Variants in ESR1 observed in about 807,000 individuals in gnomAD.
ESR1 encodes estrogen receptor 1, also known as estrogen receptor.
ESR1 carries 12 observed loss-of-function variants against 52.7 expected under a neutral mutation model. That is an observed-to-expected ratio of 0.23 (90% CI 0.15 to 0.37). ESR1 has a LOEUF of 0.37. Ranked by LOEUF, ESR1 falls within the 10% of genes least tolerant of loss-of-function variation. ESR1 has a pLI of 1.00. For missense variants in ESR1, 584 were observed against 779.7 expected (o/e 0.75, Z 2.99); for synonymous variants, 305 against 316.8 (o/e 0.96, Z 0.39).
chr6:151,728,385 A>C (rs763724475), intron 2 of ESR1, among the ~76,000 whole-genome samples: 7 of 152,252 alleles, frequency 4.6e-5, no homozygotes, highest in Non-Finnish European at 1.0e-4. Context: ...TCAACTGAAC[A>C]TTGAAAAATG....
chr6:151,803,534 G>C (rs1777469670), upstream of ESR1, among the ~76,000 whole-genome samples: 1 of 152,116 alleles, frequency 6.6e-6, no homozygotes, highest in South Asian at 2.1e-4. Context: ...CTGAACTCAT[G>C]GGGGAAGCTA....
chr6:151,671,849 A>G (rs9479093), intron 1 of ESR1, among the ~76,000 whole-genome samples: 14,791 of 152,010 alleles, frequency 0.097, 1,236 homozygotes, highest in East Asian at 0.36. Flanking sequence ...AAAATTGGCC[A>G]GGCATGGTGG....
At chr6:151,973,882 C>G (rs533264431) in intron 4 of ESR1, among the ~76,000 whole-genome samples, 5 of 152,258 alleles carry the variant, frequency 3.3e-5, no homozygotes, top group Middle Eastern at 6.8e-3. Flanking sequence ...CTTGTTACTT[C>G]ATGTCAGGTA....
chr6:151,890,406 C>G (rs1583985376), intron 3 of ESR1, among the ~76,000 whole-genome samples: 1 of 152,092 alleles, frequency 6.6e-6, no homozygotes, highest in East Asian at 1.9e-4. Context: ...ACTGTTTTAT[C>G]TAACATTCAG....
chr6:152,032,186 A>G (rs2044777276), intron 5 of ESR1, among the ~76,000 whole-genome samples: 1 of 152,228 alleles, frequency 6.6e-6, no homozygotes, highest in South Asian at 2.1e-4. Context: ...CCAATATCAT[A>G]CTGAATGGAC....
chr6:151,711,890 G>C (rs902200947), intron 2 of ESR1, among the ~76,000 whole-genome samples: 1 of 152,170 alleles, frequency 6.6e-6, no homozygotes, highest in Non-Finnish European at 1.5e-5. Flanking sequence ...TGTTGCCATT[G>C]CTTTTGGTGT....
intron 2 of ESR1, among the ~76,000 whole-genome samples, chr6:151,741,550 A>G (rs1439558848): frequency 6.6e-6 from 1 of 152,174 alleles, no homozygotes; most frequent in African/African-American, 2.4e-5. Flanking sequence ...TTGGGTTATC[A>G]ATATGCTCCC....
At chr6:151,948,924 C>A (rs1226459774) in intron 4 of ESR1, among the ~76,000 whole-genome samples, 1 of 152,160 alleles carries the variant, frequency 6.6e-6, no homozygotes, top group Non-Finnish European at 1.5e-5. Flanking sequence ...CAGATTTGAG[C>A]TCAGGAAGTG....
chr6:151,899,070 TGGGGGGC>T lies in ESR1; in HGVS notation c.760+18300_760+18306del, dbSNP rs1562526167. Among the ~76,000 whole-genome samples, 178 of 76,610 alleles carry T rather than the reference TGGGGGGC, an allele frequency of 2.3e-3. 2 individuals are homozygous for T. The highest frequency in any genetic ancestry group is 7.9e-3 in the African/African-American group (159 of 20,246). The allele number at this position is 76,610 out of a possible 152,430, so 50.3% of individuals were successfully genotyped here. A position where few individuals can be genotyped will look rare whatever the true frequency, so the allele number is the denominator to read the frequency against. Reference sequence around the variant, plus strand: ...CTCCCGGACGGGGCGGCTGGCCGGGTGGGGGGCTGACCCCCCCACCTCCCTCCCGGAC... The same window carrying T: ...CTCCCGGACGGGGCGGCTGGCCGGGTTGACCCCCCCACCTCCCTCCCGGAC... On this transcript the variant is annotated intron_variant, in intron 3 of 7. Transcript: ENST00000206249.
chr6:151,790,457 C>T (rs1163939705), intron 2 of ESR1, among the ~76,000 whole-genome samples: 1 of 152,220 alleles, frequency 6.6e-6, no homozygotes, highest in Admixed American at 6.5e-5. Flanking sequence ...TGTCCTGTCT[C>T]TTCCACCTGT....
intron 6 of ESR1, among the ~76,000 whole-genome samples, chr6:152,084,426 AAAAAAG>A (rs2049515089): frequency 6.6e-6 from 1 of 152,064 alleles, no homozygotes; most frequent in Non-Finnish European, 1.5e-5. Flanking sequence ...TATAATAAAA[AAAAAAG>A]AAAGAAAAGA....
At chr6:152,128,974 A>C (rs758200987) in exon 7 of ESR1, 1 of 152,260 alleles carries the variant, frequency 6.6e-6, no homozygotes, top group East Asian at 1.9e-4. Context: ...AAGATTATTT[A>C]TGTTCCAGTC....
At chr6:152,017,124 G>A (rs2043227469) in intron 5 of ESR1, among the ~76,000 whole-genome samples, 1 of 152,102 alleles carries the variant, frequency 6.6e-6, no homozygotes, top group Admixed American at 6.6e-5. Flanking sequence ...TGGCAAATGG[G>A]GTTTGGTGAT....
intron 2 of ESR1, among the ~76,000 whole-genome samples, chr6:151,747,943 T>C (rs1783602467): frequency 6.6e-6 from 1 of 152,250 alleles, no homozygotes; most frequent in Non-Finnish European, 1.5e-5. Flanking sequence ...CTATGAACGT[T>C]TGTGTGTGAG....
intron 4 of ESR1, among the ~76,000 whole-genome samples, chr6:152,006,763 C>T (rs1372471193): frequency 6.6e-6 from 1 of 152,028 alleles, no homozygotes; most frequent in African/African-American, 2.4e-5. Context: ...AATTTCATGA[C>T]TGACATTTTG....
At chr6:151,891,488 T>G (rs1370720276) in intron 3 of ESR1, among the ~76,000 whole-genome samples, 1 of 152,218 alleles carries the variant, frequency 6.6e-6, no homozygotes, top group East Asian at 1.9e-4. Context: ...ATATGCTTTT[T>G]TTTGTTTGTT....
chr6:151,688,795 C>T (rs779176415), upstream of ESR1, among the ~76,000 whole-genome samples: 7 of 152,028 alleles, frequency 4.6e-5, no homozygotes, highest in Non-Finnish European at 1.0e-4. Context: ...GGAGGATGTG[C>T]ATAGGATATA....
chr6:152,034,290 A>AAAATAAATAAAT lies in ESR1; in HGVS notation c.1235+22514_1235+22525dup, dbSNP rs10588683. On this transcript the variant is annotated intron_variant, in intron 5 of 7. Transcript: ENST00000206249. ...GTACCCTAAAACTTAAAGTACAATA[A>AAAATAAATAAAT]AAATAAATAAATAAATAAATAAATA... 9.6e-3 allele frequency among the ~76,000 whole-genome samples: 1,444 copies of AAAATAAATAAAT among 150,270 alleles called. 16 individuals are homozygous for AAAATAAATAAAT. The highest frequency in any genetic ancestry group is 0.029 in the African/African-American group (1,196 of 40,848).
At chr6:151,748,927 T>C (rs1783687535) in intron 2 of ESR1, among the ~76,000 whole-genome samples, 1 of 152,212 alleles carries the variant, frequency 6.6e-6, no homozygotes, top group African/African-American at 2.4e-5. Flanking sequence ...TTGGTTCATT[T>C]ATTTATTCAA....
Sources: gnomAD v4.1 joint callset for allele counts (sites outside exome capture counted in the v4.1 genomes callset) on GRCh38, gnomAD v4.1.1 for gene constraint, MANE v1.5 for transcripts, NCBI Gene and HGNC (gene_info 2026-07-23, HGNC 2026-07-21) for gene names.